Variants in SLC2A9 observed in about 807,000 individuals in gnomAD.
SLC2A9 encodes solute carrier family 2, facilitated glucose transporter member 9.
Under a neutral mutation model 50.6 loss-of-function variants are expected in SLC2A9, and 39 were observed. The ratio of observed to expected loss-of-function variants is 0.77; its 90% CI spans 0.60 to 1.01. The LOEUF (loss-of-function observed/expected upper bound fraction) is 1.01. Among genes scored for constraint, SLC2A9 ranks in the 50% least tolerant of loss-of-function variants. The pLI, the probability that SLC2A9 is intolerant of heterozygous loss-of-function variation, is 0.00. For synonymous variants in SLC2A9, 324 were observed against 276.9 expected (o/e 1.17, Z -1.69); for missense variants, 686 against 677.6 (o/e 1.01, Z -0.14).
intron 10 of SLC2A9, among the ~76,000 whole-genome samples, chr4:9,870,935 T>G (rs2109498724): frequency 6.6e-6 from 1 of 151,926 alleles, no homozygotes; most frequent in South Asian, 2.1e-4. Flanking sequence ...TTTTGGGGGG[T>G]GTGTGGGGTC....
chr4:9,836,575 A>G (rs1054254669), intron 10 of SLC2A9, among the ~76,000 whole-genome samples: 1 of 152,228 alleles, frequency 6.6e-6, no homozygotes, highest in African/African-American at 2.4e-5. Context: ...ATCTGTCCAG[A>G]CACCTGAAGG....
intron 10 of SLC2A9, among the ~76,000 whole-genome samples, chr4:9,875,932 A>C (rs62293282): frequency 0.12 from 18,462 of 152,252 alleles, 1,309 homozygotes; most frequent in African/African-American, 0.17. Context: ...ATGGGGCACC[A>C]AACAAAGCCA....
chr4:10,024,830 G>A (rs921856198), upstream of SLC2A9, among the ~76,000 whole-genome samples: 1 of 152,134 alleles, frequency 6.6e-6, no homozygotes, highest in Non-Finnish European at 1.5e-5. Context: ...AAAAGAAGGG[G>A]GGTTTTCTAT....
intron 7 of SLC2A9, 88 bp downstream of exon 7, chr4:9,920,297 C>G (rs1238187468): frequency 1.4e-6 from 2 of 1,434,050 alleles, no homozygotes; most frequent in South Asian, 1.2e-5. Flanking sequence ...GAGATTTGAA[C>G]CTGGGCGTCT....
chr4:9,882,331 T>C (rs1440994133), intron 10 of SLC2A9, among the ~76,000 whole-genome samples: 3 of 152,170 alleles, frequency 2.0e-5, no homozygotes, highest in African/African-American at 7.2e-5. Flanking sequence ...AAAATGGGCA[T>C]AATTCCACTC....
intron 3 of SLC2A9, chr4:9,781,950 G>A: frequency 2.4e-6 from 3 of 1,246,766 alleles, no homozygotes; most frequent in Non-Finnish European, 3.2e-6. Context: ...CGCATCCTCG[G>A]GGTGCCCGAT....
intron 8 of SLC2A9, among the ~76,000 whole-genome samples, chr4:9,905,335 C>A (rs1005028060): frequency 9.2e-5 from 14 of 152,232 alleles, no homozygotes; most frequent in African/African-American, 3.4e-4. Context: ...AGGCAGGCAC[C>A]ATGGCAAAGG....
At chr4:9,920,935 T>G (rs77962023) in intron 6 of SLC2A9, among the ~76,000 whole-genome samples, 2 of 152,214 alleles carry the variant, frequency 1.3e-5, no homozygotes, top group African/African-American at 2.4e-5. Flanking sequence ...CCAATGGCTG[T>G]TGTAATAATT....
intron 3 of SLC2A9, among the ~76,000 whole-genome samples, chr4:9,780,733 G>A (rs1440317951): frequency 6.6e-6 from 1 of 152,196 alleles, no homozygotes; most frequent in Non-Finnish European, 1.5e-5. Flanking sequence ...CTTGTCAGCT[G>A]GGAGGTGCAC....
rs1756593029 is a variant in SLC2A9, at chr4:9,985,717, C to T, written c.487G>A (p.Ala163Thr). The change falls in exon 4 of 12, where the codon GCC (alanine) becomes ACC (threonine). Residue 163 changes from alanine (A) to threonine (T), a missense_variant. Coordinates refer to ENST00000264784, the MANE Select transcript of SLC2A9 (RefSeq NM_020041.3). Reference protein sequence around the residue: ...LLMACSLQAGAFEMLIVGRFI... With the variant: ...LLMACSLQAGTFEMLIVGRFI... ...CGTCCCACGATGAGCATTTCAAAGGCTCCTGCCTGGAGCGAGCAGGCCATC... is the reference window on the plus strand; with the variant it reads ...CGTCCCACGATGAGCATTTCAAAGGTTCCTGCCTGGAGCGAGCAGGCCATC... The T allele has an allele frequency of 6.2e-7, 1 of 1,613,924 alleles. No homozygotes were observed. The highest frequency in any genetic ancestry group is 8.5e-7 in the Non-Finnish European group (1 of 1,179,876).
chr4:9,856,448 T>TA (rs1730725142), intron 10 of SLC2A9, among the ~76,000 whole-genome samples: 3 of 152,088 alleles, frequency 2.0e-5, no homozygotes, highest in Non-Finnish European at 2.9e-5. Context: ...TGGCTATTCT[T>TA]AAAAAGTAAA....
chr4:9,984,150 G>A lies in SLC2A9; in HGVS notation c.535+1519C>T, dbSNP rs77140241. Among the ~76,000 whole-genome samples, 1,124 of 152,278 alleles carry A rather than the reference G, an allele frequency of 7.4e-3. 22 individuals are homozygous for A. The East Asian group carries it at 0.076, about 10-fold the overall frequency. On this transcript the variant is annotated intron_variant, in intron 4 of 11. Coordinates refer to ENST00000264784, the MANE Select transcript of SLC2A9 (RefSeq NM_020041.3). ...ACAAATGAATAGACAAATGATTGAG[G>A]AGTCATTTCATCTTGAGTTTGGACT...
intron 2 of SLC2A9, among the ~76,000 whole-genome samples, chr4:10,010,808 A>C (rs1308658758): frequency 6.6e-6 from 1 of 152,068 alleles, no homozygotes. Context: ...CAACCACTGC[A>C]TTCCCTGTTT....
chr4:9,849,596 G>T (rs946017503), intron 10 of SLC2A9, among the ~76,000 whole-genome samples: 1 of 152,208 alleles, frequency 6.6e-6, no homozygotes, highest in Non-Finnish European at 1.5e-5. Context: ...TGGACTGTCT[G>T]GGGGAGAGGA....
At chr4:9,983,532 G>T (rs984898450) in intron 4 of SLC2A9, among the ~76,000 whole-genome samples, 3 of 152,134 alleles carry the variant, frequency 2.0e-5, no homozygotes, top group African/African-American at 7.2e-5. Flanking sequence ...CAGCCCGTGA[G>T]ACCAGGCCAC....
At position 9,833,763 on chromosome 4, in the gene SLC2A9, G is replaced by A. The variant is rs80146409; in HGVS notation, c.1419+1118C>T. Among the ~76,000 whole-genome samples the A allele has an allele frequency of 9.8e-3, 1,488 of 152,250 alleles. 30 individuals carry two copies. Among genetic ancestry groups the A allele is most frequent in the African/African-American group, 0.034 (1,406 of 41,542 alleles). ...TGTCCAGAATAGTTGGTGAGGGGAG[G>A]AAGACAGGAAGACAGGATTGAAATA... On this transcript the variant is annotated intron_variant, in intron 11 of 11. Coordinates refer to ENST00000264784, the MANE Select transcript of SLC2A9 (RefSeq NM_020041.3).
chr4:9,880,469 C>T, intron 10 of SLC2A9: 1 of 985,140 alleles, frequency 1.0e-6, no homozygotes, highest in African/African-American at 1.7e-5. Flanking sequence ...GCATGTTCTA[C>T]AGTCAAAAGA....
Position 9,914,158 on chromosome 4 carries a change from G to C in SLC2A9, c.1003-5813C>G, listed in dbSNP as rs1045994777. ...TCCTCTGCTACCTCTGGGTGAGAAGGAATCTGTTTTCCTTCCAGAGATGCT... is the reference window on the plus strand; with the variant it reads ...TCCTCTGCTACCTCTGGGTGAGAAGCAATCTGTTTTCCTTCCAGAGATGCT... On this transcript the variant is annotated intron_variant, in intron 7 of 11. Transcript: ENST00000264784. Among the ~76,000 whole-genome samples, 3 of 152,164 alleles carry C rather than the reference G, an allele frequency of 2.0e-5. No homozygotes were observed. In the South Asian group the frequency reaches 6.2e-4, roughly 32 times the overall value.
chr4:9,783,517 G>A (rs1718811831), intron 3 of SLC2A9: 1 of 1,490,648 alleles, frequency 6.7e-7, no homozygotes, highest in Admixed American at 2.0e-5. Flanking sequence ...ACATTGACAA[G>A]CACGCACACA....
Sources: gnomAD v4.1 joint callset for allele counts (sites outside exome capture counted in the v4.1 genomes callset) on GRCh38, gnomAD v4.1.1 for gene constraint, MANE v1.5 for transcripts, NCBI Gene and HGNC (gene_info 2026-07-23, HGNC 2026-07-21) for gene names.